PAXIP1: variants seen among roughly 807,000 people sequenced by gnomAD.
PAXIP1 encodes PAX interacting protein 1.
A neutral mutation model predicts 140.6 loss-of-function variants in PAXIP1; 19 were observed. The ratio of observed to expected loss-of-function variants is 0.14; its 90% CI spans 0.09 to 0.20. The LOEUF (loss-of-function observed/expected upper bound fraction) is 0.20. Ranked by LOEUF, PAXIP1 falls within the 10% of genes least tolerant of loss-of-function variation. The pLI is 1.00. For synonymous variants in PAXIP1, 442 were observed against 444.6 expected, an observed-to-expected ratio of 0.99 and a Z score of 0.07; for missense variants, 920 against 1,208.6, an observed-to-expected ratio of 0.76 and a Z score of 3.54.
At position 154,991,043 on chromosome 7, in the gene PAXIP1, C is replaced by T. The variant is rs1047476927; in HGVS notation, c.287G>A (p.Cys96Tyr). 1.2e-5 allele frequency: 18 copies of T among 1,547,940 alleles called. No homozygotes were observed. In the South Asian group the frequency reaches 1.9e-4, roughly 17 times the overall value. Reference sequence around the variant, plus strand: ...GGCAGTGATTCCAAAAAAAATCTGACATGATTCTGGAGAAAAACCATTTAC... The same window carrying T: ...GGCAGTGATTCCAAAAAAAATCTGATATGATTCTGGAGAAAAACCATTTAC... ...LPVNGFSPES[C>Y]QIFFGITACL... Residue 96 changes from cysteine to tyrosine, a missense_variant, in exon 4 of 21, where the codon TGT becomes TAT. Around this residue, in one of 5 missense-constraint regions of PAXIP1, gnomAD observed 419 missense variants for 514.7 expected, o/e 0.81. Coordinates refer to ENST00000404141, the MANE Select transcript of PAXIP1 (RefSeq NM_007349.4).
chr7:154,952,296 T>C (rs1424431142), intron 16 of PAXIP1: 1 of 152,208 alleles, frequency 6.6e-6, no homozygotes, highest in Non-Finnish European at 1.5e-5. Flanking sequence ...TCGGTGGCCA[T>C]TTGTGGACGT....
intron 2 of PAXIP1, among the ~76,000 whole-genome samples, chr7:154,996,593 A>C (rs1481191552): frequency 1.3e-5 from 2 of 152,206 alleles, no homozygotes; most frequent in African/African-American, 4.8e-5. Flanking sequence ...GTCACCTCAC[A>C]GCGGCGACCC....
Position 154,967,786 on chromosome 7 carries a change from C to A in PAXIP1, c.1893+30G>T, listed in dbSNP as rs763051991. On this transcript the variant is annotated intron_variant, in intron 8 of 20. Coordinates refer to ENST00000404141, the MANE Select transcript of PAXIP1 (RefSeq NM_007349.4). ...CATAAGAAAGAAGCATCTTCAGACACAGTCATCCTTCCTCCAGGCACAATC... is the reference window on the plus strand; with the variant it reads ...CATAAGAAAGAAGCATCTTCAGACAAAGTCATCCTTCCTCCAGGCACAATC... 14 of 1,473,678 alleles carry A rather than the reference C, an allele frequency of 9.5e-6. No individual in the cohort carries two copies. In the African/African-American group the frequency reaches 1.1e-4, roughly 12 times the overall value. 91.3% of individuals were successfully genotyped at this position (1,473,678 alleles called of 1,614,324 possible).
At chr7:155,001,157 A>G (rs745319443) in intron 1 of PAXIP1, 6 of 152,210 alleles carry the variant, frequency 3.9e-5, no homozygotes, top group Non-Finnish European at 7.3e-5. Context: ...TTCAGAAAAT[A>G]TACTGTTTCA....
chr7:154,969,706 C>T (rs1168995300), intron 6 of PAXIP1, among the ~76,000 whole-genome samples: 1 of 152,198 alleles, frequency 6.6e-6, no homozygotes, highest in Non-Finnish European at 1.5e-5. Flanking sequence ...CAGATGAAAG[C>T]AGCATGACCC....
rs768966226 is a variant in PAXIP1, at chr7:154,946,570, A to G, written c.3075T>C (p.Ile1025=). The G allele has an allele frequency of 3.1e-6, 5 of 1,613,792 alleles. No individual in the cohort carries two copies. In the Admixed American group the frequency reaches 8.3e-5, roughly 27 times the overall value. ...GAAGGTCATTTTCACAGGATATTAA[A>G]ATTATTTCCGACAAACTCTAAGGAA... The part of the protein sequence containing the change: ...HKQNSSLSEI[I]LISCENDLHL... The change falls in exon 19 of 21, where the codon ATT becomes ATC. Residue 1025 remains isoleucine, a synonymous_variant. Coordinates refer to ENST00000404141, the MANE Select transcript of PAXIP1 (RefSeq NM_007349.4). The surrounding 1 kb of genome is among the most constrained non-coding windows in gnomAD (Gnocchi z 4.9).
Position 154,963,955 on chromosome 7 carries a change from T to C in PAXIP1, c.1894-189A>G, listed in dbSNP as rs541986305. On this transcript the variant is annotated intron_variant, in intron 8 of 20. Transcript: ENST00000404141. This position sits in a 1 kb window ranked among gnomAD's most constrained non-coding sequence, Gnocchi z 4.1. Reference sequence around the variant, plus strand: ...CCAGCACCATACAATGAAAATGAACTCCAATACTCTAAATTTAATCTGAAT... The same window carrying C: ...CCAGCACCATACAATGAAAATGAACCCCAATACTCTAAATTTAATCTGAAT... 1.8e-5 allele frequency: 10 copies of C among 559,040 alleles called. No individual in the cohort carries two copies. Among genetic ancestry groups the C allele is most frequent in the South Asian group, 1.7e-4 (8 of 47,000 alleles). 34.6% of individuals were successfully genotyped at this position (559,040 alleles called of 1,614,324 possible).
intron 2 of PAXIP1, among the ~76,000 whole-genome samples, chr7:154,997,288 C>T (rs981068343): frequency 6.6e-6 from 1 of 152,188 alleles, no homozygotes; most frequent in African/African-American, 2.4e-5. Flanking sequence ...GTTACCCAGA[C>T]TGGAGTACAG....
Position 154,991,298 on chromosome 7 carries a change from A to G in PAXIP1, c.261-229T>C, listed in dbSNP as rs563916799. ...ATTTTGAAATCCAATCTCTCCACTTATATCATAAATCAAATAGGCAAAGTA... is the reference window on the plus strand; with the variant it reads ...ATTTTGAAATCCAATCTCTCCACTTGTATCATAAATCAAATAGGCAAAGTA... On this transcript the variant is annotated intron_variant, in intron 3 of 20. Coordinates refer to ENST00000404141, the MANE Select transcript of PAXIP1 (RefSeq NM_007349.4). 1.9e-4 allele frequency among the ~76,000 whole-genome samples: 29 copies of G among 152,326 alleles called. No individual in the cohort carries two copies. The South Asian group carries it at 2.5e-3, about 13-fold the overall frequency.
intron 2 of PAXIP1, among the ~76,000 whole-genome samples, chr7:154,997,674 G>A (rs1810698976): frequency 6.6e-6 from 1 of 152,174 alleles, no homozygotes; most frequent in South Asian, 2.1e-4. Flanking sequence ...AATACAGTAG[G>A]TGGATAAACA....
At chr7:154,966,994 C>A (rs1314819510) in intron 8 of PAXIP1, among the ~76,000 whole-genome samples, 1 of 152,216 alleles carries the variant, frequency 6.6e-6, no homozygotes, top group Non-Finnish European at 1.5e-5. Flanking sequence ...TCCTACTCAT[C>A]CTATAAGCAG....
rs1808011968 is a variant in PAXIP1, at chr7:154,946,984, G to A, written c.2923-171C>T. 1.9e-6 allele frequency: 1 copy of A among 518,880 alleles called. No homozygotes were observed. The highest frequency in any genetic ancestry group is 3.4e-6 in the Non-Finnish European group (1 of 295,710). 32.1% of individuals were successfully genotyped at this position (518,880 alleles called of 1,614,324 possible). A position where few individuals can be genotyped will look rare whatever the true frequency, so the allele number is the denominator to read the frequency against. On this transcript the variant is annotated intron_variant, in intron 17 of 20. Coordinates refer to ENST00000404141, the MANE Select transcript of PAXIP1 (RefSeq NM_007349.4). This position sits in a 1 kb window ranked among gnomAD's most constrained non-coding sequence, Gnocchi z 4.9. ...CAATCTGAAGTGGAAGAGGAATCCA[G>A]CTATGTAAATTTGGAATGTAAGCAT...
Position 154,983,323 on chromosome 7 carries a change from C to T in PAXIP1, c.334G>A (p.Glu112Lys). The T allele has an allele frequency of 6.4e-7, 1 of 1,562,636 alleles. No homozygotes were observed. Residue 112 changes from glutamate to lysine, a missense_variant, in exon 5 of 21, where the codon GAA (glutamate) becomes AAA (lysine). Physicochemically the swap from Glu to Lys is moderately conservative, Grantham distance 56. Around this residue, in one of 5 missense-constraint regions of PAXIP1, gnomAD observed 419 missense variants for 514.7 expected, o/e 0.81. Transcript: ENST00000404141. ...AAAGCCCACAGGGCACTTCTGTCTT[C>T]AGATGACACCTGACAGAAAGTTAGA... is the stretch of plus-strand genomic sequence containing the variant. ...ITACLSQVSS[E>K]DRSALWALVT...
intron 15 of PAXIP1, 101 bp downstream of exon 15, chr7:154,955,428 C>T (rs1040788299): frequency 2.9e-6 from 2 of 698,586 alleles, no homozygotes; most frequent in African/African-American, 3.6e-5. Flanking sequence ...ACTGTTATAA[C>T]TATCTAAACT....
At chr7:154,960,135 C>G (rs1808695292) in intron 12 of PAXIP1, among the ~76,000 whole-genome samples, 1 of 152,198 alleles carries the variant, frequency 6.6e-6, no homozygotes, top group Admixed American at 6.5e-5. Flanking sequence ...TTTCGTTTCA[C>G]ATGCTGTCTG....
intron 5 of PAXIP1, among the ~76,000 whole-genome samples, chr7:154,980,020 T>G (rs1348937689): frequency 5.9e-5 from 9 of 152,190 alleles, no homozygotes; most frequent in Non-Finnish European, 1.3e-4. Flanking sequence ...GAGAGCCTAT[T>G]GTATTTGTCA....
Position 154,983,335 on chromosome 7 carries a change from G to A in PAXIP1, c.325-3C>T. 1 of 1,494,664 alleles carries A rather than the reference G, an allele frequency of 6.7e-7. No individual in the cohort carries two copies. Among genetic ancestry groups the A allele is most frequent in the East Asian group, 2.3e-5 (1 of 44,200 alleles). 92.6% of individuals were successfully genotyped at this position (1,494,664 alleles called of 1,614,324 possible). On this transcript the variant is annotated splice_region_variant and splice_polypyrimidine_tract_variant and intron_variant, in intron 4 of 20. Transcript: ENST00000404141. ...GCACTTCTGTCTTCAGATGACACCT[G>A]ACAGAAAGTTAGAAAGAAGGCTTTT...
At position 154,946,659 on chromosome 7, in the gene PAXIP1, G is replaced by C. The variant is rs749818360; in HGVS notation, c.3057+20C>G. The C allele has an allele frequency of 2.5e-5, 41 of 1,613,524 alleles. No individual in the cohort carries two copies. In the African/African-American group the frequency reaches 4.4e-4, roughly 17 times the overall value. On this transcript the variant is annotated intron_variant, in intron 18 of 20. Coordinates refer to ENST00000404141, the MANE Select transcript of PAXIP1 (RefSeq NM_007349.4). The surrounding 1 kb of genome is among the most constrained non-coding windows in gnomAD (Gnocchi z 4.9). ...ATACAGGGCAATGACGGACTCGCTG[G>C]CGGACTCCACTCTACCCACCGAGTT...
Position 154,963,660 on chromosome 7 carries a change from A to G in PAXIP1, c.1989+11T>C. 1 of 1,594,000 alleles carries G rather than the reference A, an allele frequency of 6.3e-7. No homozygotes were observed. The highest frequency in any genetic ancestry group is 8.6e-7 in the Non-Finnish European group (1 of 1,163,098). ...CTTGCTCCTGGTCGCAGCTAAGGCT[A>G]TTTTCCTTACCTGTGCATACGCGCT... On this transcript the variant is annotated intron_variant, in intron 9 of 20. Coordinates refer to ENST00000404141, the MANE Select transcript of PAXIP1 (RefSeq NM_007349.4). The surrounding 1 kb of genome is among the most constrained non-coding windows in gnomAD (Gnocchi z 4.1).
Sources: allele counts gnomAD v4.1 joint callset (sites outside exome capture counted in the v4.1 genomes callset), GRCh38; gene constraint gnomAD v4.1.1; regional missense constraint gnomAD v4.1.1; non-coding constraint Gnocchi (gnomAD v3.1); transcripts MANE v1.5; gene names NCBI Gene and HGNC (gene_info 2026-07-23, HGNC 2026-07-21).